DOCK3: variants seen among roughly 807,000 people sequenced by gnomAD.
The protein encoded by DOCK3 is dedicator of cytokinesis protein 3.
Under a neutral mutation model 265.6 loss-of-function variants are expected in DOCK3, and 60 were observed. That is an observed-to-expected ratio of 0.23 (90% CI 0.18 to 0.28). The LOEUF (loss-of-function observed/expected upper bound fraction) is 0.28, where lower values mean the gene tolerates loss of function less well. Ranked by LOEUF, DOCK3 falls within the 10% of genes least tolerant of loss-of-function variation. The pLI, the probability that DOCK3 is intolerant of heterozygous loss-of-function variation, is 1.00. For missense variants in DOCK3, 1,981 were observed against 2,594.3 expected, an observed-to-expected ratio of 0.76 and a Z score of 5.14; for synonymous variants, 881 against 938.0, an observed-to-expected ratio of 0.94 and a Z score of 1.11.
chr3:50,688,599 A>G (rs1172106381), intron 1 of DOCK3, among the ~76,000 whole-genome samples: 1 of 152,034 alleles, frequency 6.6e-6, no homozygotes, highest in Non-Finnish European at 1.5e-5. Context: ...AGTAGCTGGG[A>G]TTATAGGCGC....
Position 50,861,757 on chromosome 3 carries a change from C to CT in DOCK3, c.162+20055dup, listed in dbSNP as rs1416468590. ...AGAATAAGAGCAACCCCTGCTCTCT[C>CT]TTTTTTTTTTTTTGCTTTGCATTTG... On this transcript the variant is annotated intron_variant, in intron 3 of 52. Transcript: ENST00000266037. Among the ~76,000 whole-genome samples, 950 of 128,046 alleles carry CT rather than the reference C, an allele frequency of 7.4e-3. 19 individuals carry two copies. The East Asian group carries it at 0.086, about 12-fold the overall frequency. 84.0% of individuals were successfully genotyped at this position (128,046 alleles called of 152,430 possible). A position where few individuals can be genotyped will look rare whatever the true frequency, so the allele number is the denominator to read the frequency against.
chr3:50,757,420 C>T (rs980325119), intron 1 of DOCK3, among the ~76,000 whole-genome samples: 12 of 152,046 alleles, frequency 7.9e-5, no homozygotes, highest in African/African-American at 2.9e-4. Context: ...GATCCACCTG[C>T]CTGGGCCTCC....
intron 13 of DOCK3, 143 bp downstream of exon 13, chr3:51,209,005 T>C: frequency 4.2e-6 from 3 of 711,310 alleles, no homozygotes; most frequent in East Asian, 5.5e-5. Flanking sequence ...ACTCATTCTT[T>C]TTGTAATAAT....
intron 5 of DOCK3, among the ~76,000 whole-genome samples, chr3:51,034,055 G>A (rs932014326): frequency 1.8e-4 from 28 of 152,036 alleles, no homozygotes; most frequent in African/African-American, 6.8e-4. Context: ...ACTAGTTCTT[G>A]TTCAGACTTG....
At chr3:50,927,461 T>G (rs1423353070) in intron 4 of DOCK3, among the ~76,000 whole-genome samples, 2 of 152,212 alleles carry the variant, frequency 1.3e-5, no homozygotes, top group African/African-American at 2.4e-5. Context: ...ATATTTGAGG[T>G]GATGGATATT....
intron 5 of DOCK3, among the ~76,000 whole-genome samples, chr3:51,002,981 G>A (rs891425398): frequency 2.0e-5 from 3 of 152,044 alleles, no homozygotes; most frequent in Admixed American, 6.5e-5. Flanking sequence ...AAGTCTATGT[G>A]GTATGCCCTG....
Position 51,356,160 on chromosome 3 carries a change from C to A in DOCK3, c.4321C>A (p.Arg1441=). Residue 1441 remains arginine (R), a synonymous_variant, in exon 42 of 53, where the codon CGA becomes AGA. Transcript: ENST00000266037. ...TCTGCAGATGGATAGGGTACCAGATCGAGTCAAGAGCTTCTATCGCGTCAA... is the reference window on the plus strand; with the variant it reads ...TCTGCAGATGGATAGGGTACCAGATAGAGTCAAGAGCTTCTATCGCGTCAA... ...DVLQMDRVPD[R]VKSFYRVNNV... 1.2e-6 allele frequency: 2 copies of A among 1,613,980 alleles called. No homozygotes were observed. The highest frequency in any genetic ancestry group is 1.1e-5 in the South Asian group (1 of 91,080).
intron 9 of DOCK3, among the ~76,000 whole-genome samples, chr3:51,127,431 C>T (rs186943890): frequency 5.3e-5 from 8 of 152,294 alleles, no homozygotes; most frequent in African/African-American, 1.9e-4. Flanking sequence ...ATAATAAGGT[C>T]ATAATTAAGC....
chr3:51,196,394 A>G (rs538621509), intron 12 of DOCK3, among the ~76,000 whole-genome samples: 4 of 152,176 alleles, frequency 2.6e-5, no homozygotes, highest in South Asian at 4.1e-4. Context: ...ACCTTTTTGC[A>G]TTGTATTTTC....
chr3:50,730,012 G>C (rs2038095257), intron 1 of DOCK3, among the ~76,000 whole-genome samples: 3 of 151,782 alleles, frequency 2.0e-5, no homozygotes, highest in African/African-American at 7.3e-5. Context: ...TGTTGGCCAG[G>C]CTGGCCGAAT....
intron 5 of DOCK3, among the ~76,000 whole-genome samples, chr3:51,019,336 T>C (rs2079489822): frequency 1.3e-5 from 2 of 151,954 alleles, no homozygotes; most frequent in African/African-American, 2.4e-5. Flanking sequence ...AGGCACCTCA[T>C]GTTAAAAAGA....
intron 7 of DOCK3, among the ~76,000 whole-genome samples, chr3:51,080,459 A>G (rs747876927): frequency 6.6e-6 from 1 of 152,194 alleles, no homozygotes; most frequent in Non-Finnish European, 1.5e-5. Context: ...TTACAACCCT[A>G]ATAGAGGTGA....
intron 4 of DOCK3, among the ~76,000 whole-genome samples, chr3:50,921,836 G>C (rs988806517): frequency 1.2e-4 from 19 of 152,268 alleles, no homozygotes; most frequent in Non-Finnish European, 2.8e-4. Context: ...GACCCTGTTT[G>C]CCTGGGTATC....
At chr3:51,038,188 T>C (rs1402646189) in intron 5 of DOCK3, among the ~76,000 whole-genome samples, 1 of 152,176 alleles carries the variant, frequency 6.6e-6, no homozygotes, top group Non-Finnish European at 1.5e-5. Flanking sequence ...CAACTACTAA[T>C]TCCATTTTTA....
At chr3:50,713,918 C>T (rs1489519777) in intron 1 of DOCK3, among the ~76,000 whole-genome samples, 1 of 152,148 alleles carries the variant, frequency 6.6e-6, no homozygotes, top group Non-Finnish European at 1.5e-5. Context: ...GTAAGGGTAG[C>T]AGGCCACCAT....
At chr3:51,027,285 A>G (rs1256783161) in intron 5 of DOCK3, among the ~76,000 whole-genome samples, 2 of 151,734 alleles carry the variant, frequency 1.3e-5, no homozygotes, top group Non-Finnish European at 2.9e-5. Context: ...ATCGATTTCT[A>G]ATTTTATTCA....
chr3:50,923,226 CAT>C (rs1307589656), intron 4 of DOCK3, among the ~76,000 whole-genome samples: 4 of 152,318 alleles, frequency 2.6e-5, no homozygotes, highest in East Asian at 3.9e-4. Flanking sequence ...CTCCTATAGA[CAT>C]GTGTGTGCAA....
At chr3:50,927,380 A>C (rs1365087407) in intron 4 of DOCK3, among the ~76,000 whole-genome samples, 2 of 152,214 alleles carry the variant, frequency 1.3e-5, no homozygotes, top group African/African-American at 4.8e-5. Context: ...ATAGCTAACA[A>C]TAATTTATTG....
At chr3:50,913,905 T>C (rs143911037) in intron 4 of DOCK3, among the ~76,000 whole-genome samples, 301 of 152,154 alleles carry the variant, frequency 2.0e-3, no homozygotes, top group Non-Finnish European at 3.6e-3. Context: ...AGGTACTATA[T>C]GGGGGTCATC....
Sources: allele counts gnomAD v4.1 joint callset (sites outside exome capture counted in the v4.1 genomes callset), GRCh38; gene constraint gnomAD v4.1.1; transcripts MANE v1.5; gene names NCBI Gene and HGNC (gene_info 2026-07-23, HGNC 2026-07-21).